SLC6A12: variants seen among roughly 807,000 people sequenced by gnomAD.
SLC6A12 encodes solute carrier family 6 member 12.
In SLC6A12, 50 loss-of-function variants were observed where a neutral mutation model predicts 73.3. The observed-to-expected ratio is 0.68, with a 90% CI of 0.54 to 0.86. The LOEUF (loss-of-function observed/expected upper bound fraction) is 0.86. SLC6A12 is among the 40% of genes least tolerant of loss of function. SLC6A12 has a pLI of 0.00. For missense variants in SLC6A12, 648 were observed against 772.8 expected (o/e 0.84, Z 1.92); for synonymous variants, 304 against 309.2 (o/e 0.98, Z 0.18).
At chr12:185,990 T>C, downstream of SLC6A12, among the ~76,000 whole-genome samples, 1 of 152,194 alleles carries the variant, frequency 6.6e-6, no homozygotes, top group East Asian at 1.9e-4. Context: ...AAGCTGGGCA[T>C]GCGAGCACGG....
chr12:189,286 AG>A (rs1939502532), downstream of SLC6A12, among the ~76,000 whole-genome samples: 2 of 152,272 alleles, frequency 1.3e-5, no homozygotes, highest in South Asian at 4.1e-4. Flanking sequence ...GGCCGCAGAC[AG>A]CGCTGCGCCG....
Position 192,493 on chromosome 12 carries a change from C to T in SLC6A12, c.1686G>A (p.Arg562=). ...CACCACCTACCTTCCTGAAAGGACCCCGAGTCTTCAGGAGGGTGATGACGA... is the reference window on the plus strand; with the variant it reads ...CACCACCTACCTTCCTGAAAGGACCTCGAGTCTTCAGGAGGGTGATGACGA... ...LFVVITLLKT[R]GPFRKRLRQL... The change falls in exon 15 of 16, where the codon CGG becomes CGA. Residue 562 remains arginine (R), a synonymous_variant. Coordinates refer to ENST00000684302, the MANE Select transcript of SLC6A12 (RefSeq NM_001122848.3). The T allele has an allele frequency of 6.2e-7, 1 of 1,614,008 alleles. No homozygotes were observed.
intron 4 of SLC6A12, among the ~76,000 whole-genome samples, 190 bp from the exon 5 acceptor site, chr12:203,070 T>C (rs1940375524): frequency 7.2e-6 from 1 of 138,534 alleles, no homozygotes; most frequent in African/African-American, 2.7e-5. Flanking sequence ...TTTTTTTTTT[T>C]TTTTTTTTTT....
In SLC6A12 at chr12:198,783, A is replaced by C. The variant is rs1375010474; in HGVS notation, c.846+14T>G. On this transcript the variant is annotated intron_variant, in intron 8 of 15. Transcript: ENST00000684302. The surrounding 1 kb of genome is among the most constrained non-coding windows in gnomAD (Gnocchi z 4.0). ...GGAAGGCACCTGGGGAAGTGGTCCCAGCACGGTACATACCTGAGGGTCCTT... is the reference window on the plus strand; with the variant it reads ...GGAAGGCACCTGGGGAAGTGGTCCCCGCACGGTACATACCTGAGGGTCCTT... 3 of 1,613,832 alleles carry C rather than the reference A, an allele frequency of 1.9e-6. No individual in the cohort carries two copies. Among genetic ancestry groups the C allele is most frequent in the Non-Finnish European group, 2.5e-6 (3 of 1,179,866 alleles).
rs1021463051 is a variant in SLC6A12, at chr12:192,455, T to C, written c.1701+23A>G. On this transcript the variant is annotated intron_variant, in intron 15 of 15. Transcript: ENST00000684302. ...TCTCTCAGTGCCCTCCTTTAAGAGG[T>C]CACTCTCCCCTACACCACCTACCTT... 7 of 1,608,026 alleles carry C rather than the reference T, an allele frequency of 4.4e-6. 1 individual carries two copies. The African/African-American group carries it at 6.7e-5, about 15-fold the overall frequency.
At chr12:210,258 A>G in intron 2 of SLC6A12, 1 of 1,146,788 alleles carries the variant, frequency 8.7e-7, no homozygotes, top group South Asian at 1.7e-5. Context: ...AGATGAAGTG[A>G]TTCACCCAAG....
At chr12:211,062 C>T (rs1252967295) in intron 2 of SLC6A12, 1 of 152,234 alleles carries the variant, frequency 6.6e-6, no homozygotes, top group Non-Finnish European at 1.5e-5. Context: ...CCACCTCTGC[C>T]TTTATTCCCA....
In SLC6A12 at chr12:195,340, C is replaced by T. The variant is rs954355051; in HGVS notation, c.1327-13G>A. The T allele has an allele frequency of 9.6e-6, 15 of 1,561,398 alleles. No individual in the cohort carries two copies. Among genetic ancestry groups the T allele is most frequent in the African/African-American group, 6.8e-5 (5 of 73,980 alleles). On this transcript the variant is annotated splice_polypyrimidine_tract_variant and intron_variant, in intron 12 of 15. Coordinates refer to ENST00000684302, the MANE Select transcript of SLC6A12 (RefSeq NM_001122848.3). ...TGTACATCCCGCCCTGTGGGGAGAG[C>T]GTGGAGCTGGGGCATGGCCAGTGCA...
chr12:208,842 C>A (rs1226447657), intron 3 of SLC6A12, among the ~76,000 whole-genome samples: 2 of 152,054 alleles, frequency 1.3e-5, no homozygotes, highest in Non-Finnish European at 2.9e-5. Context: ...AGGAACTGGC[C>A]CCTCCCCACC....
chr12:195,574 C>T (rs1175867145), intron 12 of SLC6A12, among the ~76,000 whole-genome samples: 3 of 152,166 alleles, frequency 2.0e-5, no homozygotes, highest in East Asian at 3.9e-4. Context: ...CCCAGCATCT[C>T]CCCTTCTGGA....
At chr12:204,468 T>G in intron 4 of SLC6A12, 96 bp downstream of exon 4, 1 of 1,198,816 alleles carries the variant, frequency 8.3e-7, no homozygotes. Flanking sequence ...AGTGAGCGGA[T>G]GGGTGAAGCA....
intron 5 of SLC6A12, 138 bp downstream of exon 5, chr12:202,602 G>A (rs1940331461): frequency 1.3e-6 from 1 of 798,034 alleles, no homozygotes; most frequent in Admixed American, 2.8e-5. Flanking sequence ...CCAAGGAGCA[G>A]AGCTGCCCAG....
chr12:202,675 G>T lies in SLC6A12; in HGVS notation c.490+65C>A, dbSNP rs542485508. 326 of 1,538,014 alleles carry T rather than the reference G, an allele frequency of 2.1e-4. No individual in the cohort carries two copies. The African/African-American group carries it at 3.0e-3, about 14-fold the overall frequency. On this transcript the variant is annotated intron_variant, in intron 5 of 15. Transcript: ENST00000684302. ...CACTTATACTCCCCGTCGTTGCTTG[G>T]ATTCACCAGCCACCGCAGCCCAGCC...
At chr12:207,390 G>A (rs956864255) in intron 3 of SLC6A12, among the ~76,000 whole-genome samples, 1 of 152,194 alleles carries the variant, frequency 6.6e-6, no homozygotes, top group Non-Finnish European at 1.5e-5. Flanking sequence ...CCCGGATAAT[G>A]GGAACTTCCT....
At chr12:185,787 G>A (rs1939419883), downstream of SLC6A12, among the ~76,000 whole-genome samples, 1 of 152,178 alleles carries the variant, frequency 6.6e-6, no homozygotes, top group Non-Finnish European at 1.5e-5. Context: ...CTGGAGTGCG[G>A]GTCGCCAGGG....
downstream of SLC6A12, among the ~76,000 whole-genome samples, chr12:187,228 G>C (rs1939446877): frequency 6.6e-6 from 1 of 152,152 alleles, no homozygotes; most frequent in Non-Finnish European, 1.5e-5. Flanking sequence ...AGTGTGCCCA[G>C]AGTAAGTGGG....
At chr12:187,589 CAAAAAAAAAAAAAAAAAAAAAAAAAAAAA>C (rs761187495), downstream of SLC6A12, among the ~76,000 whole-genome samples, 137 of 106,068 alleles carry the variant, frequency 1.3e-3, 2 homozygotes, top group Non-Finnish European at 1.6e-3. Flanking sequence ...TGCAAAAGAG[CAAAAAAAAAAAAAAAAAAAAAAAAAAAAA>C]AAAAAAAAAA....
At chr12:185,719 T>C (rs947160506), downstream of SLC6A12, among the ~76,000 whole-genome samples, 3 of 152,136 alleles carry the variant, frequency 2.0e-5, no homozygotes, top group Non-Finnish European at 4.4e-5. Context: ...TGCCAGCAGG[T>C]TCCTCAGACC....
intron 10 of SLC6A12, 145 bp downstream of exon 10, chr12:197,232 G>A (rs140689570): frequency 4.0e-5 from 31 of 777,946 alleles, no homozygotes; most frequent in Admixed American, 3.9e-4. Flanking sequence ...TGTGCTAAGC[G>A]CTGCCCCAGA....
Sources: gnomAD v4.1 joint callset for allele counts (sites outside exome capture counted in the v4.1 genomes callset) on GRCh38, gnomAD v4.1.1 for gene constraint, Gnocchi (gnomAD v3.1) non-coding constraint, MANE v1.5 for transcripts, NCBI Gene and HGNC (gene_info 2026-07-23, HGNC 2026-07-21) for gene names.